The following RNF157 variants were observed in gnomAD, a reference collection of about 807,000 sequenced individuals.
RNF157 encodes the protein E3 ubiquitin ligase RNF157.
A neutral mutation model predicts 88.3 loss-of-function variants in RNF157; 55 were observed. The ratio of observed to expected loss-of-function variants is 0.62; its 90% confidence interval spans 0.50 to 0.78. RNF157 has a LOEUF of 0.78. Ranked by LOEUF, RNF157 falls within the 30% of genes least tolerant of loss-of-function variation. The pLI is 0.00. For missense variants in RNF157, 788 were observed against 860.8 expected (o/e 0.92, Z 1.06); for synonymous variants, 334 against 341.2 (o/e 0.98, Z 0.23).
rs1313339271 is a variant in RNF157 at position 76,167,717 on chromosome 17, G to T, written c.377C>A (p.Thr126Lys). The T allele has an allele frequency of 6.2e-7, 1 of 1,613,650 alleles. No individual in the cohort carries two copies. Among genetic ancestry groups the T allele is most frequent in the Non-Finnish European group, 8.5e-7 (1 of 1,179,612 alleles). The change falls in exon 4 of 19, where the codon ACA becomes AAA. Residue 126 changes from threonine (T) to lysine (K), a missense_variant. Transcript: ENST00000269391. ...GATGGTGATGGCTACCCGAGCATCT[G>T]TGTCAAAGGTGAACTCAACATTGTA... ...VHYNVEFTFD[T>K]DARVAITIYY...
intron 2 of RNF157, chr17:76,175,800 T>C (rs893528295): frequency 7.1e-6 from 7 of 984,360 alleles, no homozygotes; most frequent in Non-Finnish European, 8.4e-6. Flanking sequence ...CTCTTTCTCC[T>C]CCATAGCCAC....
At chr17:76,212,860 C>CA (rs1333775086) in intron 1 of RNF157, among the ~76,000 whole-genome samples, 3 of 151,782 alleles carry the variant, frequency 2.0e-5, no homozygotes, top group Non-Finnish European at 4.4e-5. Context: ...GACTCTGTTT[C>CA]AAAAAAACAA....
intron 2 of RNF157, chr17:76,211,904 T>A (rs1191570741): frequency 1.3e-5 from 2 of 152,618 alleles, no homozygotes; most frequent in African/African-American, 4.8e-5. Context: ...AACAATCATT[T>A]ATTAAGGGCT....
chr17:76,210,415 C>T (rs1459312524), intron 2 of RNF157, among the ~76,000 whole-genome samples: 2 of 151,044 alleles, frequency 1.3e-5, no homozygotes, highest in East Asian at 3.9e-4. Flanking sequence ...ACAGTGAAAC[C>T]CCGTCTCTAC....
At chr17:76,169,714 G>C (rs1247034325) in intron 3 of RNF157, among the ~76,000 whole-genome samples, 1 of 151,740 alleles carries the variant, frequency 6.6e-6, no homozygotes, top group African/African-American at 2.4e-5. Context: ...CAAGTAGCTG[G>C]GATTATAGGC....
At chr17:76,183,787 G>C in intron 2 of RNF157, among the ~76,000 whole-genome samples, 1 of 151,880 alleles carries the variant, frequency 6.6e-6, no homozygotes, top group Middle Eastern at 3.4e-3. Flanking sequence ...ATGTATTTAT[G>C]TAATTTATTT....
intron 1 of RNF157, among the ~76,000 whole-genome samples, chr17:76,227,150 CTT>C (rs1370876944): frequency 6.7e-6 from 1 of 148,818 alleles, no homozygotes. Flanking sequence ...GAGTCTCACT[CTT>C]GTCGCCTAGG....
At chr17:76,165,215 C>T (rs2068903126) in intron 7 of RNF157, among the ~76,000 whole-genome samples, 1 of 152,136 alleles carries the variant, frequency 6.6e-6, no homozygotes. Flanking sequence ...TTCCTGGACA[C>T]TCTCAGAGCA....
intron 1 of RNF157, chr17:76,226,364 A>G (rs1719959374): frequency 1.3e-6 from 2 of 1,596,716 alleles, no homozygotes; most frequent in Non-Finnish European, 8.6e-7. Context: ...GGGTTTTGTT[A>G]AACTTTCTGG....
intron 1 of RNF157, among the ~76,000 whole-genome samples, chr17:76,236,539 G>A (rs1277418215): frequency 1.3e-5 from 2 of 152,114 alleles, no homozygotes; most frequent in South Asian, 2.1e-4. Context: ...CAGTAGAACC[G>A]TGCTCTAAAT....
At chr17:76,238,759 T>G (rs1458909653) in intron 1 of RNF157, among the ~76,000 whole-genome samples, 1 of 152,228 alleles carries the variant, frequency 6.6e-6, no homozygotes, top group Non-Finnish European at 1.5e-5. Context: ...CTAAGAATAT[T>G]TTTGTCTATT....
intron 2 of RNF157, among the ~76,000 whole-genome samples, chr17:76,205,752 TAAA>T (rs2069671061): frequency 6.6e-6 from 1 of 150,828 alleles, no homozygotes; most frequent in South Asian, 2.1e-4. Flanking sequence ...AATAAATAAA[TAAA>T]TAAATAAAAT....
At chr17:76,172,580 C>A (rs1479144331) in intron 3 of RNF157, among the ~76,000 whole-genome samples, 1 of 126,708 alleles carries the variant, frequency 7.9e-6, no homozygotes, top group Non-Finnish European at 1.5e-5. Flanking sequence ...GCACTCCAGC[C>A]TGGGCAACAA....
At chr17:76,168,752 A>T (rs2068967523) in intron 3 of RNF157, among the ~76,000 whole-genome samples, 1 of 152,160 alleles carries the variant, frequency 6.6e-6, no homozygotes, top group Admixed American at 6.6e-5. Context: ...TCGGTGGAGC[A>T]CGTGTCCTGC....
chr17:76,220,217 T>C (rs2069957309), intron 1 of RNF157, among the ~76,000 whole-genome samples: 1 of 151,946 alleles, frequency 6.6e-6, no homozygotes, highest in African/African-American at 2.4e-5. Flanking sequence ...TAGAACATCT[T>C]GTCATACCAG....
intron 2 of RNF157, among the ~76,000 whole-genome samples, chr17:76,181,217 G>A (rs2069182879): frequency 6.6e-6 from 1 of 152,090 alleles, no homozygotes; most frequent in South Asian, 2.1e-4. Context: ...AGCAGAGTTC[G>A]GGGAGTCTGA....
intron 1 of RNF157, among the ~76,000 whole-genome samples, chr17:76,219,348 GCCAGCCTT>G (rs894876588): frequency 4.0e-5 from 6 of 151,314 alleles, no homozygotes; most frequent in African/African-American, 1.2e-4. Flanking sequence ...ACATAAAATG[GCCAGCCTT>G]AAGCCAAACA....
At chr17:76,162,878 T>C (rs2068865392) in intron 8 of RNF157, 1 of 362,552 alleles carries the variant, frequency 2.8e-6, no homozygotes, top group Non-Finnish European at 4.9e-6. Flanking sequence ...AATACAATAA[T>C]AATACTTGCA....
intron 1 of RNF157, among the ~76,000 whole-genome samples, chr17:76,222,977 G>A (rs867264286): frequency 1.3e-5 from 2 of 151,482 alleles, no homozygotes; most frequent in Non-Finnish European, 2.9e-5. Flanking sequence ...TGCAAGCTCC[G>A]CCTCCTGGGT....
Sources: gnomAD v4.1 joint callset for allele counts (sites outside exome capture counted in the v4.1 genomes callset) on GRCh38, gnomAD v4.1.1 for gene constraint, MANE v1.5 for transcripts, NCBI Gene and HGNC (gene_info 2026-07-23, HGNC 2026-07-21) for gene names.